MAGI2: variants seen among roughly 807,000 people sequenced by gnomAD.
MAGI2 encodes the protein membrane associated guanylate kinase, WW and PDZ domain containing 2.
A neutral mutation model predicts 133.3 loss-of-function variants in MAGI2; 35 were observed. The ratio of observed to expected loss-of-function variants is 0.26; its 90% CI spans 0.20 to 0.35. The LOEUF (loss-of-function observed/expected upper bound fraction) is 0.35. Ranked by LOEUF, MAGI2 falls within the 10% of genes least tolerant of loss-of-function variation. MAGI2 has a pLI of 1.00. For synonymous variants in MAGI2, 729 were observed against 710.6 expected (o/e 1.03, Z -0.41); for missense variants, 1,636 against 1,863.4 (o/e 0.88, Z 2.25).
At chr7:79,369,352 C>A (rs1010103859) in intron 1 of MAGI2, among the ~76,000 whole-genome samples, 1 of 152,152 alleles carries the variant, frequency 6.6e-6, no homozygotes, top group Non-Finnish European at 1.5e-5. Flanking sequence ...TAGCATTACC[C>A]TAATGAAACC....
intron 2 of MAGI2, among the ~76,000 whole-genome samples, chr7:78,842,056 C>A (rs908483604): frequency 2.0e-5 from 3 of 151,980 alleles, no homozygotes; most frequent in African/African-American, 7.2e-5. Context: ...TTTCCAAAAT[C>A]ATTCAGGCAT....
chr7:79,353,859 CTT>C (rs1841845880), intron 1 of MAGI2: 1 of 198,532 alleles, frequency 5.0e-6, no homozygotes, highest in Non-Finnish European at 1.1e-5. Flanking sequence ...CCTGCTTATG[CTT>C]CAGTGGCCAT....
At chr7:78,862,376 G>T (rs1450343247) in intron 2 of MAGI2, among the ~76,000 whole-genome samples, 1 of 152,142 alleles carries the variant, frequency 6.6e-6, no homozygotes, top group African/African-American at 2.4e-5. Context: ...GGGAAAATTT[G>T]CCTTTCAAAT....
intron 14 of MAGI2, among the ~76,000 whole-genome samples, chr7:78,173,777 C>T (rs2691528): frequency 0.74 from 112,762 of 151,974 alleles, 41,900 homozygotes; most frequent in Non-Finnish European, 0.76. Context: ...ATCTCAAAGA[C>T]AGTAGCTTTA....
At chr7:78,921,541 C>T (rs1799222836) in intron 2 of MAGI2, among the ~76,000 whole-genome samples, 1 of 152,032 alleles carries the variant, frequency 6.6e-6, no homozygotes, top group East Asian at 1.9e-4. Context: ...CAATAAAATG[C>T]TTCCAGATTT....
At chr7:78,694,688 T>C (rs1162996488) in intron 2 of MAGI2, among the ~76,000 whole-genome samples, 2 of 152,182 alleles carry the variant, frequency 1.3e-5, no homozygotes, top group Non-Finnish European at 2.9e-5. Flanking sequence ...CACACCTGGA[T>C]TTAAATCCCA....
At chr7:79,104,145 A>G (rs1378732171) in intron 1 of MAGI2, among the ~76,000 whole-genome samples, 1 of 152,192 alleles carries the variant, frequency 6.6e-6, no homozygotes, top group Non-Finnish European at 1.5e-5. Flanking sequence ...AAACCATTCT[A>G]AACAACAAAA....
At chr7:79,367,858 C>CATATATCTATATATATATATATATATAT (rs1842806365) in intron 1 of MAGI2, among the ~76,000 whole-genome samples, 1 of 87,114 alleles carries the variant, frequency 1.1e-5, no homozygotes, top group African/African-American at 4.6e-5. Flanking sequence ...ATATATGTGA[C>CATATATCTATATATATATATATATATAT]ATATATATAT....
chr7:78,915,987 A>G (rs1403008008), intron 2 of MAGI2, among the ~76,000 whole-genome samples: 1 of 152,094 alleles, frequency 6.6e-6, no homozygotes, highest in South Asian at 2.1e-4. Flanking sequence ...ATTAAGAATC[A>G]TCATTATTGT....
intron 2 of MAGI2, among the ~76,000 whole-genome samples, chr7:78,714,131 A>C (rs917300113): frequency 4.6e-5 from 7 of 152,100 alleles, no homozygotes; most frequent in Admixed American, 4.6e-4. Context: ...AATAGTGTAC[A>C]TAAACATATA....
At chr7:78,443,127 C>A (rs5003961) in intron 6 of MAGI2, among the ~76,000 whole-genome samples, 139,330 of 152,166 alleles carry the variant, frequency 0.92, 64,416 homozygotes, top group East Asian at 0.99. Flanking sequence ...ACTTTGAAAA[C>A]TACTAAGCAG....
intron 21 of MAGI2, among the ~76,000 whole-genome samples, chr7:78,073,740 T>G (rs1814972911): frequency 6.6e-6 from 1 of 152,236 alleles, no homozygotes; most frequent in African/African-American, 2.4e-5. Flanking sequence ...AGCCTGCATT[T>G]CAAGGCAGGG....
intron 2 of MAGI2, among the ~76,000 whole-genome samples, chr7:78,991,002 T>C (rs755175312): frequency 1.1e-4 from 17 of 149,370 alleles, no homozygotes; most frequent in Admixed American, 5.4e-4. Context: ...AATCCCCATG[T>C]GTCGAGGGAG....
chr7:78,432,920 TG>T (rs1172452917), intron 6 of MAGI2, among the ~76,000 whole-genome samples: 2 of 152,092 alleles, frequency 1.3e-5, no homozygotes, highest in Non-Finnish European at 2.9e-5. Context: ...TATCAGATAA[TG>T]GTAAAATCTT....
At chr7:78,823,271 T>C (rs1790284344) in intron 2 of MAGI2, among the ~76,000 whole-genome samples, 1 of 152,050 alleles carries the variant, frequency 6.6e-6, no homozygotes, top group South Asian at 2.1e-4. Context: ...GTTGATAGTC[T>C]AAAAAAATCA....
At chr7:79,096,734 C>T (rs1285757606) in intron 1 of MAGI2, among the ~76,000 whole-genome samples, 3 of 152,056 alleles carry the variant, frequency 2.0e-5, no homozygotes, top group Non-Finnish European at 4.4e-5. Flanking sequence ...TCTAAAAAAC[C>T]CTAAATAAAC....
intron 5 of MAGI2, among the ~76,000 whole-genome samples, chr7:78,492,153 C>T (rs1303270209): frequency 3.3e-5 from 5 of 151,998 alleles, no homozygotes; most frequent in African/African-American, 1.2e-4. Flanking sequence ...TATTGCACAC[C>T]ACCATGGGTC....
chr7:78,309,602 A>AC (rs1798526778), intron 9 of MAGI2, among the ~76,000 whole-genome samples: 1 of 152,142 alleles, frequency 6.6e-6, no homozygotes, highest in African/African-American at 2.4e-5. Context: ...GGAATCATAT[A>AC]CCCCAAACGT....
chr7:78,256,076 A>G lies in MAGI2; in HGVS notation c.1914T>C (p.Pro638=). The G allele has an allele frequency of 6.2e-7, 1 of 1,613,760 alleles. No homozygotes were observed. The highest frequency in any genetic ancestry group is 8.5e-7 in the Non-Finnish European group (1 of 1,179,910). The change falls in exon 10 of 22, where the codon CCT becomes CCC. Residue 638 remains proline (P), a synonymous_variant. Transcript: ENST00000354212. ...CAATGAGGTCGCCTTCACACAGGCCAGGGCATCCCTGAATGTCAAGTATTT... is the reference window on the plus strand; with the variant it reads ...CAATGAGGTCGCCTTCACACAGGCCGGGGCATCCCTGAATGTCAAGTATTT... The part of the protein sequence containing the change: ...VKQILDIQGC[P]GLCEGDLIVE...
Sources: gnomAD v4.1 joint callset for allele counts (sites outside exome capture counted in the v4.1 genomes callset) on GRCh38, gnomAD v4.1.1 for gene constraint, MANE v1.5 for transcripts, NCBI Gene and HGNC (gene_info 2026-07-23, HGNC 2026-07-21) for gene names.